PLAAT3: variants seen among roughly 807,000 people sequenced by gnomAD.
PLAAT3 encodes the protein phospholipase A and acyltransferase 3, also known as Ca-independent phospholipase A1/2.
PLAAT3 carries 21 observed loss-of-function variants against 16.7 expected under a neutral mutation model. The ratio of observed to expected loss-of-function variants is 1.26; its 90% CI spans 0.89 to 1.81. The LOEUF is 1.81. Ranked by LOEUF, PLAAT3 falls within the 40% of genes most tolerant of loss-of-function variation. The pLI is 0.00. For missense variants in PLAAT3, 219 were observed against 213.7 expected (o/e 1.02, Z -0.16); for synonymous variants, 76 against 81.7 (o/e 0.93, Z 0.38).
intron 4 of PLAAT3, among the ~76,000 whole-genome samples, chr11:63,579,336 C>T (rs1292737503): frequency 2.6e-5 from 4 of 152,154 alleles, no homozygotes. Flanking sequence ...GGATCTAGAA[C>T]TAGAAATAAC....
rs565780112 is a variant in PLAAT3, at chr11:63,574,753, C to G, written c.*192G>C. The G allele has an allele frequency of 2.1e-5, 12 of 583,488 alleles. No individual in the cohort carries two copies. The highest frequency in any genetic ancestry group is 3.7e-5 in the Non-Finnish European group (12 of 326,206). The allele number at this position is 583,488 out of a possible 1,614,324, so 36.1% of individuals were successfully genotyped here. A position where few individuals can be genotyped will look rare whatever the true frequency, so the allele number is the denominator to read the frequency against. On this transcript the variant is annotated 3_prime_UTR_variant, in exon 5 of 5. Transcript: ENST00000415826. ...GAAGACAGCCCGGCTGTTCCCTGAA[C>G]AGACTTCACACCAGGCAGTTCTTGC...
chr11:63,604,362 A>C (rs1210162339), intron 2 of PLAAT3, among the ~76,000 whole-genome samples: 3 of 152,200 alleles, frequency 2.0e-5, no homozygotes, highest in Non-Finnish European at 2.9e-5. Context: ...AAGGGAAAAA[A>C]TACTCATGTT....
At chr11:63,615,152 A>ATATATGTGTG (rs1555047898), upstream of PLAAT3, among the ~76,000 whole-genome samples, 29 of 25,928 alleles carry the variant, frequency 1.1e-3, 5 homozygotes, top group Admixed American at 1.8e-3. Context: ...ATATGTGTGT[A>ATATATGTGTG]TATATGTGTA....
rs1365450000 is a variant in PLAAT3, at chr11:63,574,899, C to A, written c.*46G>T. The A allele has an allele frequency of 9.8e-6, 11 of 1,117,820 alleles. No homozygotes were observed. In the South Asian group the frequency reaches 1.2e-4, roughly 13 times the overall value. 69.2% of individuals were successfully genotyped at this position (1,117,820 alleles called of 1,614,324 possible). On this transcript the variant is annotated 3_prime_UTR_variant, in exon 5 of 5. Transcript: ENST00000415826. Reference sequence around the variant, plus strand: ...CCCCAAACTCTCTAGCAAAACAAGACCCCCTTGATGTATAAAGTCATCGCT... The same window carrying A: ...CCCCAAACTCTCTAGCAAAACAAGAACCCCTTGATGTATAAAGTCATCGCT...
chr11:63,574,584 ATG>A lies in PLAAT3; in HGVS notation c.*359_*360del, dbSNP rs2017634083. ...CTGCTGCTTTCTGTTCTTGTGTATT[ATG>A]TCTTTCTGTCTCCCTTCCGCCCCGC... On this transcript the variant is annotated 3_prime_UTR_variant, in exon 5 of 5. Coordinates refer to ENST00000415826, the MANE Select transcript of PLAAT3 (RefSeq NM_001128203.2). 1 of 193,176 alleles carries A rather than the reference ATG, an allele frequency of 5.2e-6. No homozygotes were observed. The highest frequency in any genetic ancestry group is 6.2e-5 in the Admixed American group (1 of 16,228). The allele number at this position is 193,176 out of a possible 1,614,324, so 12.0% of individuals were successfully genotyped here.
chr11:63,576,619 G>T, intron 4 of PLAAT3, among the ~76,000 whole-genome samples: 1 of 152,158 alleles, frequency 6.6e-6, no homozygotes, highest in East Asian at 1.9e-4. Flanking sequence ...CAAGAATGAG[G>T]TGAGGTACTG....
chr11:63,575,735 G>A (rs1410015488), intron 4 of PLAAT3, among the ~76,000 whole-genome samples: 1 of 152,100 alleles, frequency 6.6e-6, no homozygotes, highest in Admixed American at 6.5e-5. Flanking sequence ...TTTGTTTAAG[G>A]CATAATTCCA....
intron 2 of PLAAT3, among the ~76,000 whole-genome samples, chr11:63,606,053 C>A (rs1462570278): frequency 6.6e-6 from 1 of 152,154 alleles, no homozygotes; most frequent in East Asian, 1.9e-4. Context: ...TGCTGACATG[C>A]AGGATCACTA....
At chr11:63,587,430 A>G (rs920321149) in intron 4 of PLAAT3, among the ~76,000 whole-genome samples, 3 of 147,812 alleles carry the variant, frequency 2.0e-5, no homozygotes, top group Non-Finnish European at 3.0e-5. Context: ...CAAAATTCTG[A>G]AAAAAAAAAT....
In PLAAT3 at chr11:63,590,090, G is replaced by A. The variant is rs1938105177; in HGVS notation, c.387+10C>T. On this transcript the variant is annotated intron_variant, in intron 4 of 4. Coordinates refer to ENST00000415826, the MANE Select transcript of PLAAT3 (RefSeq NM_001128203.2). ...GTTCCTGGGGAAGGCGACACAGGCA[G>A]AGGACGCACCTGGTCACTGCGGGCG... The A allele has an allele frequency of 1.2e-6, 2 of 1,609,750 alleles. No individual in the cohort carries two copies. Among genetic ancestry groups the A allele is most frequent in the Non-Finnish European group, 8.5e-7 (1 of 1,176,936 alleles).
Position 63,594,366 on chromosome 11 carries a change from G to A in PLAAT3, c.118+3695C>T, listed in dbSNP as rs12284394. On this transcript the variant is annotated intron_variant, in intron 3 of 4. Coordinates refer to ENST00000415826, the MANE Select transcript of PLAAT3 (RefSeq NM_001128203.2). ...TCATCTGAGCTCGATTTAGGGAAAT[G>A]AGAGAGGAGGAGGAGCCCACACAAG... Among the ~76,000 whole-genome samples the A allele has an allele frequency of 7.9e-3, 1,197 of 152,262 alleles. 14 individuals are homozygous for A. The highest frequency in any genetic ancestry group is 0.025 in the African/African-American group (1,043 of 41,544).
At chr11:63,589,565 AC>A (rs925125543) in intron 4 of PLAAT3, among the ~76,000 whole-genome samples, 9 of 152,078 alleles carry the variant, frequency 5.9e-5, no homozygotes, top group African/African-American at 1.7e-4. Flanking sequence ...TCCCAGATTC[AC>A]CCTTAGGGTT....
intron 4 of PLAAT3, among the ~76,000 whole-genome samples, chr11:63,581,636 CCCT>C (rs1194524452): frequency 2.6e-4 from 39 of 152,270 alleles, no homozygotes; most frequent in African/African-American, 9.4e-4. Context: ...ATCTTTATAG[CCCT>C]TTGAAGCATG....
chr11:63,600,575 G>GTTTTT (rs982588815), intron 2 of PLAAT3, among the ~76,000 whole-genome samples: 1 of 132,468 alleles, frequency 7.5e-6, no homozygotes, highest in Non-Finnish European at 1.6e-5. Flanking sequence ...CATCTTCATG[G>GTTTTT]TTTTTTTGTT....
At chr11:63,608,053 G>A (rs894144441) in intron 2 of PLAAT3, among the ~76,000 whole-genome samples, 2 of 152,070 alleles carry the variant, frequency 1.3e-5, no homozygotes, top group South Asian at 2.1e-4. Context: ...GTAGTGGCAC[G>A]TGCCTGTAGT....
chr11:63,616,667 G>A (rs1041676946), upstream of PLAAT3: 1 of 152,102 alleles, frequency 6.6e-6, no homozygotes, highest in Admixed American at 6.6e-5. Context: ...GGGCTCCTGT[G>A]TTGCAGGACG....
At chr11:63,577,460 G>A (rs914288139) in intron 4 of PLAAT3, among the ~76,000 whole-genome samples, 7 of 152,002 alleles carry the variant, frequency 4.6e-5, no homozygotes, top group Admixed American at 2.6e-4. Flanking sequence ...GTGAGCCGCC[G>A]CACCCAGCCA....
At chr11:63,586,545 A>C (rs766856538) in intron 4 of PLAAT3, among the ~76,000 whole-genome samples, 4 of 152,222 alleles carry the variant, frequency 2.6e-5, no homozygotes, top group Non-Finnish European at 5.9e-5. Context: ...TGAATTTCAA[A>C]AAGTATCTTA....
intron 3 of PLAAT3, among the ~76,000 whole-genome samples, chr11:63,591,432 C>G (rs554551214): frequency 6.6e-6 from 1 of 152,186 alleles, no homozygotes; most frequent in African/African-American, 2.4e-5. Flanking sequence ...GATGGGCCTA[C>G]GCACCCAGGG....
Sources: gnomAD v4.1 joint callset for allele counts (sites outside exome capture counted in the v4.1 genomes callset) on GRCh38, gnomAD v4.1.1 for gene constraint, MANE v1.5 for transcripts, NCBI Gene and HGNC (gene_info 2026-07-23, HGNC 2026-07-21) for gene names.